Variants in TTLL5 observed in about 807,000 individuals in gnomAD.
TTLL5 encodes tubulin polyglutamylase TTLL5.
In TTLL5, 132 loss-of-function variants were observed where a neutral mutation model predicts 168.4. The ratio of observed to expected loss-of-function variants is 0.78; its 90% CI spans 0.68 to 0.91. The LOEUF (loss-of-function observed/expected upper bound fraction) is 0.91. Ranked by LOEUF, TTLL5 falls within the 40% of genes least tolerant of loss-of-function variation. The pLI is 0.00. For missense variants in TTLL5, 1,545 were observed against 1,581.5 expected (o/e 0.98, Z 0.39); for synonymous variants, 546 against 558.6 (o/e 0.98, Z 0.32).
intron 6 of TTLL5, among the ~76,000 whole-genome samples, 200 bp downstream of exon 6, chr14:75,690,522 T>G (rs994032841): frequency 1.3e-5 from 2 of 152,198 alleles, no homozygotes; most frequent in African/African-American, 4.8e-5. Context: ...CAGTATCATT[T>G]ATGTAAGGGC....
chr14:75,752,100 T>G (rs927491674), intron 17 of TTLL5, among the ~76,000 whole-genome samples: 4 of 152,142 alleles, frequency 2.6e-5, no homozygotes, highest in African/African-American at 9.7e-5. Flanking sequence ...CATCTTGGTT[T>G]TGGTGGGTTT....
At chr14:75,877,801 G>A (rs531212831) in intron 29 of TTLL5, among the ~76,000 whole-genome samples, 91 of 152,350 alleles carry the variant, frequency 6.0e-4, no homozygotes, top group African/African-American at 2.2e-3. Flanking sequence ...AGTTGGTGGG[G>A]CTGTAGGATT....
intron 5 of TTLL5, among the ~76,000 whole-genome samples, chr14:75,685,551 G>C (rs189144166): frequency 1.3e-5 from 2 of 152,276 alleles, no homozygotes; most frequent in African/African-American, 2.4e-5. Flanking sequence ...AAGCAAAGAA[G>C]TTTGAAAACC....
intron 9 of TTLL5, chr14:75,710,202 C>A (rs1347542019): frequency 6.6e-6 from 1 of 152,096 alleles, no homozygotes; most frequent in East Asian, 1.9e-4. Flanking sequence ...ATATTAACAG[C>A]CCTCTCTATG....
rs748700811 is a variant in TTLL5 at position 75,766,249 on chromosome 14, A to G, written c.1896A>G (p.Glu632=). ...LTALVENTPK[E]NSMKVREWNN... is the part of the protein sequence containing the mutation. ...CTTTGGTAGAAAATACACCCAAAGA[A>G]AATTCCATGAAAGTTCGTGAATGGA... The change falls in exon 20 of 32, where the codon GAA becomes GAG. Residue 632 remains glutamate, a synonymous_variant. Coordinates refer to ENST00000298832, the MANE Select transcript of TTLL5 (RefSeq NM_015072.5). The G allele has an allele frequency of 6.2e-7, 1 of 1,614,134 alleles. No individual in the cohort carries two copies. The highest frequency in any genetic ancestry group is 8.5e-7 in the Non-Finnish European group (1 of 1,180,006).
intron 20 of TTLL5, 95 bp from the exon 21 acceptor site, chr14:75,771,639 A>G: frequency 6.4e-7 from 1 of 1,553,138 alleles, no homozygotes; most frequent in Non-Finnish European, 8.7e-7. Context: ...ATCATAATAG[A>G]AGCATCCTCA....
intron 31 of TTLL5, among the ~76,000 whole-genome samples, chr14:75,933,474 C>T (rs1302802498): frequency 1.3e-5 from 2 of 152,118 alleles, no homozygotes; most frequent in African/African-American, 2.4e-5. Context: ...AAAATAAACA[C>T]ACAGTTATTA....
intron 31 of TTLL5, among the ~76,000 whole-genome samples, chr14:75,923,108 A>G (rs1196762243): frequency 1.3e-5 from 2 of 151,884 alleles, no homozygotes; most frequent in Non-Finnish European, 2.9e-5. Context: ...TTTATTCTTT[A>G]TTAGTCTTGC....
At chr14:75,842,252 C>A (rs963981968) in intron 28 of TTLL5, among the ~76,000 whole-genome samples, 2 of 152,188 alleles carry the variant, frequency 1.3e-5, no homozygotes, top group Non-Finnish European at 2.9e-5. Context: ...ACACCCTTGC[C>A]AGCATTACAT....
chr14:75,709,035 A>G lies in TTLL5; in HGVS notation c.740+1328A>G, dbSNP rs542553075. 304 of 591,938 alleles carry G rather than the reference A, an allele frequency of 5.1e-4. No homozygotes were observed. In the African/African-American group the frequency reaches 5.3e-3, roughly 10 times the overall value. The allele number at this position is 591,938 out of a possible 1,614,324, so 36.7% of individuals were successfully genotyped here. ...ATAAATTTGTGTTGGGCCACATTCA[A>G]AGCTGTCCTGGGCTGTATGCAGCCT... On this transcript the variant is annotated intron_variant, in intron 9 of 31. Transcript: ENST00000298832.
chr14:75,800,634 C>A (rs1893244976), intron 27 of TTLL5, among the ~76,000 whole-genome samples: 1 of 152,170 alleles, frequency 6.6e-6, no homozygotes, highest in Non-Finnish European at 1.5e-5. Context: ...GGCTGCTGTT[C>A]AGATTCTTTT....
At chr14:75,683,963 G>A (rs941445667) in intron 5 of TTLL5, 6 of 268,404 alleles carry the variant, frequency 2.2e-5, no homozygotes, top group Admixed American at 4.9e-5. Context: ...TGGGAGAGAC[G>A]AGGTTTCGCC....
intron 28 of TTLL5, among the ~76,000 whole-genome samples, chr14:75,826,967 C>A (rs1299675440): frequency 6.6e-6 from 1 of 152,084 alleles, no homozygotes; most frequent in East Asian, 1.9e-4. Flanking sequence ...CAGCGTATTA[C>A]CTACCCAGTA....
intron 21 of TTLL5, among the ~76,000 whole-genome samples, chr14:75,774,107 C>T (rs1891568896): frequency 6.6e-6 from 1 of 151,528 alleles, no homozygotes; most frequent in Non-Finnish European, 1.5e-5. Flanking sequence ...GTTAGAGATT[C>T]CTTATCTCAT....
intron 27 of TTLL5, among the ~76,000 whole-genome samples, chr14:75,810,915 C>A (rs761247923): frequency 1.3e-5 from 2 of 151,974 alleles, no homozygotes; most frequent in Non-Finnish European, 2.9e-5. Context: ...ATTCAGGGCA[C>A]AGCAAGAGCA....
At chr14:75,839,314 C>T (rs1003843598) in intron 28 of TTLL5, among the ~76,000 whole-genome samples, 8 of 152,312 alleles carry the variant, frequency 5.3e-5, no homozygotes, top group South Asian at 4.1e-4. Flanking sequence ...GCTGCAGCAC[C>T]ACTTCACATT....
chr14:75,954,392 A>T, intron 31 of TTLL5, 32 bp from the exon 32 acceptor site: 1 of 1,612,724 alleles, frequency 6.2e-7, no homozygotes, highest in Non-Finnish European at 8.5e-7. Context: ...CTGTCATTTC[A>T]TTCATTTCAT....
intron 15 of TTLL5, among the ~76,000 whole-genome samples, chr14:75,740,859 C>T (rs533945781): frequency 6.6e-6 from 1 of 152,214 alleles, no homozygotes. Context: ...ATGAAGAATT[C>T]CAAACTTTGT....
intron 30 of TTLL5, among the ~76,000 whole-genome samples, chr14:75,885,818 G>T (rs909526769): frequency 7.9e-5 from 12 of 152,144 alleles, no homozygotes; most frequent in African/African-American, 2.9e-4. Flanking sequence ...GCCTCATAGG[G>T]TTATTAAGAT....
Sources: gnomAD v4.1 joint callset for allele counts (sites outside exome capture counted in the v4.1 genomes callset) on GRCh38, gnomAD v4.1.1 for gene constraint, MANE v1.5 for transcripts, NCBI Gene and HGNC (gene_info 2026-07-23, HGNC 2026-07-21) for gene names.